The following RFPL3 variants were observed in gnomAD, a reference collection of about 807,000 sequenced individuals.
The protein encoded by RFPL3 is ret finger protein-like 3.
A neutral mutation model predicts 8.7 loss-of-function variants in RFPL3; 8 were observed. The ratio of observed to expected loss-of-function variants is 0.92; its 90% CI spans 0.54 to 1.66. RFPL3 has a LOEUF of 1.66. RFPL3 is among the 40% of genes most tolerant of loss of function. RFPL3 has a pLI of 0.00. For synonymous variants in RFPL3, 145 were observed against 150.5 expected (o/e 0.96, Z 0.27); for missense variants, 341 against 395.0 (o/e 0.86, Z 1.16).
At chr22:32,354,990 G>A (rs571217527), upstream of RFPL3, 15 of 152,310 alleles carry the variant, frequency 9.8e-5, no homozygotes, top group African/African-American at 3.6e-4. Context: ...TGCTCAGGAA[G>A]TGACTCGTTT....
At chr22:32,356,806 T>A (rs1297834137), upstream of RFPL3, 2 of 398,338 alleles carry the variant, frequency 5.0e-6, no homozygotes, top group Non-Finnish European at 1.0e-5. Context: ...TGCTTGTTGC[T>A]CTGTTTGGAG....
rs755924326 is a variant in RFPL3 at position 32,358,147 on chromosome 22, C to T, written c.76C>T (p.Leu26=). Residue 26 remains leucine, a synonymous_variant, in exon 1 of 2, where the codon CTG becomes TTG. Coordinates refer to ENST00000249007, the MANE Select transcript of RFPL3 (RefSeq NM_001098535.1). Reference sequence around the variant, plus strand: ...TTTTCTTCCCTTGTGTACTTTTCCCCTGGCAGTGGACATGGCTGCACTCTT... The same window carrying T: ...TTTTCTTCCCTTGTGTACTTTTCCCTTGGCAGTGGACATGGCTGCACTCTT... The part of the protein sequence containing the change: ...GNFLPLCTFP[L]AVDMAALFQE... 1.9e-6 allele frequency: 3 copies of T among 1,613,850 alleles called. No homozygotes were observed. The highest frequency in any genetic ancestry group is 1.7e-5 in the Admixed American group (1 of 59,992).
chr22:32,359,435 A>G (rs901502013), intron 1 of RFPL3, among the ~76,000 whole-genome samples: 1 of 151,740 alleles, frequency 6.6e-6, no homozygotes, highest in African/African-American at 2.4e-5. Context: ...TTTTTTCAGA[A>G]TGTTCTGGAC....
In RFPL3 at chr22:32,360,969, T is replaced by G; in HGVS notation, c.*137T>G. 1.2e-6 allele frequency: 1 copy of G among 865,966 alleles called. No individual in the cohort carries two copies. The highest frequency in any genetic ancestry group is 1.6e-6 in the Non-Finnish European group (1 of 610,548). 53.6% of individuals were successfully genotyped at this position (865,966 alleles called of 1,614,324 possible). On this transcript the variant is annotated 3_prime_UTR_variant, in exon 2 of 2. Coordinates refer to ENST00000249007, the MANE Select transcript of RFPL3 (RefSeq NM_001098535.1). ...TCTATAATCTATATTCTAATTTGAT[T>G]CGATTATTGAGTCGTAAGTATTAAT...
chr22:32,358,034 T>A lies in RFPL3; in HGVS notation c.-38T>A. The A allele has an allele frequency of 6.3e-7, 1 of 1,593,160 alleles. No homozygotes were observed. Among genetic ancestry groups the A allele is most frequent in the South Asian group, 1.2e-5 (1 of 86,400 alleles). Reference sequence around the variant, plus strand: ...TGAGTGTTTGTACTCATGGTCTTGTTCTCGGAGTGACAAAGCTGGAACACA... The same window carrying A: ...TGAGTGTTTGTACTCATGGTCTTGTACTCGGAGTGACAAAGCTGGAACACA... On this transcript the variant is annotated 5_prime_UTR_variant, in exon 1 of 2. Transcript: ENST00000249007.
At chr22:32,355,720 T>C (rs1259418581), upstream of RFPL3, among the ~76,000 whole-genome samples, 1 of 148,120 alleles carries the variant, frequency 6.8e-6, no homozygotes, top group Admixed American at 6.8e-5. Context: ...GAGGCAGAGG[T>C]TGCAGTGAGC....
rs371466138 is a variant in RFPL3 at position 32,358,071 on chromosome 22, C to A, written c.-1C>A. Reference sequence around the variant, plus strand: ...AAAGCTGGAACACAATACCTCTATGCATGAAAAGGTTGTCACTTGTCACAA... The same window carrying A: ...AAAGCTGGAACACAATACCTCTATGAATGAAAAGGTTGTCACTTGTCACAA... On this transcript the variant is annotated 5_prime_UTR_variant, in exon 1 of 2. Coordinates refer to ENST00000249007, the MANE Select transcript of RFPL3 (RefSeq NM_001098535.1). 39 of 1,611,578 alleles carry A rather than the reference C, an allele frequency of 2.4e-5. 1 individual carries two copies. Among genetic ancestry groups the A allele is most frequent in the Non-Finnish European group, 5.1e-6 (6 of 1,178,590 alleles).
rs534850183 is a variant in RFPL3 at position 32,358,320 on chromosome 22, G to C, written c.249G>C (p.Met83Ile). Residue 83 changes from methionine to isoleucine, a missense_variant, in exon 1 of 2, where the codon ATG becomes ATC. Met to Ile is a conservative substitution (Grantham distance 10). Coordinates refer to ENST00000249007, the MANE Select transcript of RFPL3 (RefSeq NM_001098535.1). ...GEDLLCCCCS[M>I]VSQRNKIRPN... Reference sequence around the variant, plus strand: ...ATCTGCTTTGCTGTTGCTGTTCCATGGTCTCTCAGAGGAACAAAATCAGGC... The same window carrying C: ...ATCTGCTTTGCTGTTGCTGTTCCATCGTCTCTCAGAGGAACAAAATCAGGC... 6.2e-7 allele frequency: 1 copy of C among 1,614,040 alleles called. No homozygotes were observed.
chr22:32,355,880 A>T (rs1932650869), upstream of RFPL3, among the ~76,000 whole-genome samples: 1 of 152,086 alleles, frequency 6.6e-6, no homozygotes. Context: ...ATTCTCATAG[A>T]AATAAGGGAA....
In RFPL3 at chr22:32,358,281, G is replaced by T. The variant is rs760967465; in HGVS notation, c.210G>T (p.Glu70Asp). 3 of 1,613,934 alleles carry T rather than the reference G, an allele frequency of 1.9e-6. No homozygotes were observed. Among genetic ancestry groups the T allele is most frequent in the Non-Finnish European group, 2.5e-6 (3 of 1,179,848 alleles). ...AGTGCATCAATTCGCTGCAGAAGGA[G>T]CCCCATGGGGAGGATCTGCTTTGCT... ...CLKCINSLQK[E>D]PHGEDLLCCC... The change falls in exon 1 of 2, where the codon GAG becomes GAT. Residue 70 changes from glutamate (E) to aspartate (D), a missense_variant. By Grantham distance (45) the Glu-to-Asp change is conservative. Coordinates refer to ENST00000249007, the MANE Select transcript of RFPL3 (RefSeq NM_001098535.1).
rs73881643 is a variant in RFPL3, at chr22:32,357,917, C to T, written c.-155C>T. 87,946 of 1,493,660 alleles carry T rather than the reference C, an allele frequency of 0.059. 2,879 individuals carry two copies. Among genetic ancestry groups the T allele is most frequent in the Admixed American group, 0.12 (5,063 of 41,656 alleles). 92.5% of individuals were successfully genotyped at this position (1,493,660 alleles called of 1,614,324 possible). On this transcript the variant is annotated 5_prime_UTR_variant, in exon 1 of 2. Transcript: ENST00000249007. ...TGCTGGGTCACCAGGAGAATGGACC[C>T]TTCCTCCACCTCAGCTCAGAGCACA...
chr22:32,359,557 T>C (rs1286994242), intron 1 of RFPL3, among the ~76,000 whole-genome samples: 1 of 152,230 alleles, frequency 6.6e-6, no homozygotes, highest in Non-Finnish European at 1.5e-5. Context: ...TTTTCTGCCC[T>C]TATTCTCTAC....
At position 32,360,536 on chromosome 22, in the gene RFPL3, T is replaced by C. The variant is rs1336264229; in HGVS notation, c.658T>C (p.Leu220=). 4 of 1,613,932 alleles carry C rather than the reference T, an allele frequency of 2.5e-6. No homozygotes were observed. The highest frequency in any genetic ancestry group is 1.7e-5 in the Admixed American group (1 of 60,014). The change falls in exon 2 of 2, where the codon TTG becomes CTG. Residue 220 remains leucine, a synonymous_variant. Coordinates refer to ENST00000249007, the MANE Select transcript of RFPL3 (RefSeq NM_001098535.1). ...TTELGFWTVS[L]RDGSRLSAST... ...AGAGCTTGGATTCTGGACTGTGAGT[T>C]TGAGGGATGGAAGCCGCCTCTCTGC... is the stretch of plus-strand genomic sequence containing the variant.
upstream of RFPL3, among the ~76,000 whole-genome samples, chr22:32,355,926 C>A (rs1474012155): frequency 6.6e-6 from 1 of 152,230 alleles, no homozygotes. Flanking sequence ...TCCTGCACAG[C>A]TGGGATACTA....
chr22:32,358,125 TCTTCC>T lies in RFPL3; in HGVS notation c.58_62del (p.Pro20ValfsTer121), dbSNP rs761374968. ...ACAGGCTTTCACCTCAAGGAAATTT[TCTTCC>T]CTTGTGTACTTTTCCCCTGGCAGTG... On this transcript the variant is annotated frameshift_variant, in exon 1 of 2. Transcript: ENST00000249007. LOFTEE classifies it high-confidence loss of function. The T allele has an allele frequency of 4.3e-6, 7 of 1,613,978 alleles. No homozygotes were observed. The highest frequency in any genetic ancestry group is 5.9e-6 in the Non-Finnish European group (7 of 1,179,860).
chr22:32,360,501 A>G lies in RFPL3; in HGVS notation c.623A>G (p.Gln208Arg). 1.2e-6 allele frequency: 2 copies of G among 1,613,988 alleles called. No individual in the cohort carries two copies. The highest frequency in any genetic ancestry group is 2.7e-5 in the African/African-American group (2 of 75,038). ...RESVHCKGKI[Q>R]LTTELGFWTV... is the part of the protein sequence containing the mutation. ...TCTGTTCACTGCAAAGGGAAGATCC[A>G]GCTGACCACAGAGCTTGGATTCTGG... The change falls in exon 2 of 2, where the codon CAG becomes CGG. Residue 208 changes from glutamine to arginine, a missense_variant. Physicochemically the swap from Gln to Arg is conservative, Grantham distance 43. Transcript: ENST00000249007.
rs778951773 is a variant in RFPL3 at position 32,360,359 on chromosome 22, G to A, written c.481G>A (p.Glu161Lys). ...CACACAGAATCGGCAAGACCTTGCC[G>A]AGAGATTTGACGTGTCCGTTTGCAT... ...LITQNRQDLA[E>K]RFDVSVCILG... The change falls in exon 2 of 2, where the codon GAG (glutamate) becomes AAG (lysine). Residue 161 changes from glutamate (E) to lysine (K), a missense_variant. Coordinates refer to ENST00000249007, the MANE Select transcript of RFPL3 (RefSeq NM_001098535.1). The A allele has an allele frequency of 1.6e-5, 26 of 1,613,816 alleles. No homozygotes were observed. Among genetic ancestry groups the A allele is most frequent in the South Asian group, 7.7e-5 (7 of 91,080 alleles).
chr22:32,360,542 G>A lies in RFPL3; in HGVS notation c.664G>A (p.Asp222Asn). 1 of 1,613,974 alleles carries A rather than the reference G, an allele frequency of 6.2e-7. No individual in the cohort carries two copies. Among genetic ancestry groups the A allele is most frequent in the East Asian group, 2.2e-5 (1 of 44,880 alleles). The change falls in exon 2 of 2, where the codon GAT (aspartate) becomes AAT (asparagine). Residue 222 changes from aspartate (D) to asparagine (N), a missense_variant. By Grantham distance (23) the Asp-to-Asn change is conservative (BLOSUM62 1). Transcript: ENST00000249007. The part of the protein sequence containing the change: ...ELGFWTVSLR[D>N]GSRLSASTVP... The stretch of plus-strand genomic sequence containing the variant: ...TGGATTCTGGACTGTGAGTTTGAGG[G>A]ATGGAAGCCGCCTCTCTGCCAGCAC...
At chr22:32,355,377 C>T (rs1167615955), upstream of RFPL3, among the ~76,000 whole-genome samples, 8 of 152,276 alleles carry the variant, frequency 5.3e-5, no homozygotes, top group Middle Eastern at 3.4e-3. Context: ...GTCTCCACAC[C>T]TTCCTCTCAG....
Sources: allele counts gnomAD v4.1 joint callset (sites outside exome capture counted in the v4.1 genomes callset), GRCh38; gene constraint gnomAD v4.1.1; transcripts MANE v1.5; gene names NCBI Gene and HGNC (gene_info 2026-07-23, HGNC 2026-07-21).